MTA2: variants seen among roughly 807,000 people sequenced by gnomAD.
MTA2 encodes the protein metastasis-associated protein MTA2.
MTA2 carries 22 observed loss-of-function variants against 87.1 expected under a neutral mutation model. The observed-to-expected ratio is 0.25, with a 90% CI of 0.18 to 0.36. The LOEUF (loss-of-function observed/expected upper bound fraction) is 0.36, where lower values mean the gene tolerates loss of function less well. MTA2 is among the 10% of genes least tolerant of loss of function. MTA2 has a pLI of 1.00. For synonymous variants in MTA2, 314 were observed against 310.1 expected (o/e 1.01, Z -0.13); for missense variants, 542 against 853.2 (o/e 0.64, Z 4.54).
In MTA2 at chr11:62,596,699, T is replaced by G; in HGVS notation, c.820A>C (p.Met274Leu). 5.6e-6 allele frequency: 9 copies of G among 1,614,104 alleles called. No homozygotes were observed. Among genetic ancestry groups the G allele is most frequent in the African/African-American group, 1.3e-5 (1 of 75,058 alleles). The part of the protein sequence containing the change: ...EMEEWSASEA[M>L]LFEEALEKYG... ...TTCTCTAGGGCCTCCTCAAATAGCA[T>G]GGCCTCTGAGGCTGACCATTCCTCC... is the stretch of plus-strand genomic sequence containing the variant. The change falls in exon 9 of 18, where the codon ATG becomes CTG. Residue 274 changes from methionine (M) to leucine (L), a missense_variant. This residue lies in a region of MTA2 where 33 missense variants were observed against 31.7 expected (regional missense o/e 1.04). Coordinates refer to ENST00000278823, the MANE Select transcript of MTA2 (RefSeq NM_004739.4).
chr11:62,601,639 A>C lies in MTA2; in HGVS notation c.-189T>G. The C allele has an allele frequency of 6.6e-6, 4 of 603,972 alleles. No individual in the cohort carries two copies. Among genetic ancestry groups the C allele is most frequent in the Non-Finnish European group, 8.2e-6 (3 of 364,334 alleles). The allele number at this position is 603,972 out of a possible 1,614,324, so 37.4% of individuals were successfully genotyped here. A position where few individuals can be genotyped will look rare whatever the true frequency, so the allele number is the denominator to read the frequency against. On this transcript the variant is annotated 5_prime_UTR_variant, in exon 1 of 18. Coordinates refer to ENST00000278823, the MANE Select transcript of MTA2 (RefSeq NM_004739.4). ...TCCCGGCCCGCGCTGTCGCCGCCGC[A>C]GCTATCGCCTCACTCCCGGGACGCT...
At position 62,600,362 on chromosome 11, in the gene MTA2, G is replaced by C. The variant is rs544654496; in HGVS notation, c.97-103C>G. ...GACAAATAACAGTAAGTTTCAGAGG[G>C]ACCTAAATTAAAAAGCCCAAGAAAA... is the stretch of plus-strand genomic sequence containing the variant. On this transcript the variant is annotated intron_variant, in intron 2 of 17. Transcript: ENST00000278823. The C allele has an allele frequency of 2.1e-5, 22 of 1,060,942 alleles. 1 individual carries two copies. The South Asian group carries it at 2.9e-4, about 14-fold the overall frequency. 65.7% of individuals were successfully genotyped at this position (1,060,942 alleles called of 1,614,324 possible).
Position 62,597,374 on chromosome 11 carries a change from G to A in MTA2, c.635C>T (p.Ser212Phe). ...CATGTGCAAGCTTGGCTGCCGAATGGAGCTGCTACAATCTAGGGCTCTTGC... is the reference window on the plus strand; with the variant it reads ...CATGTGCAAGCTTGGCTGCCGAATGAAGCTGCTACAATCTAGGGCTCTTGC... Reference protein sequence around the residue: ...TFARALDCSSSIRQPSLHMSA... With the variant: ...TFARALDCSSFIRQPSLHMSA... Residue 212 changes from serine (S) to phenylalanine (F), a missense_variant, in exon 8 of 18, where the codon TCC (serine) becomes TTC (phenylalanine). Physicochemically the swap from Ser to Phe is radical, Grantham distance 155. Coordinates refer to ENST00000278823, the MANE Select transcript of MTA2 (RefSeq NM_004739.4). 6.2e-7 allele frequency: 1 copy of A among 1,612,460 alleles called. No homozygotes were observed. The highest frequency in any genetic ancestry group is 8.5e-7 in the Non-Finnish European group (1 of 1,179,472).
Position 62,594,499 on chromosome 11 carries a change from CCTTT to C in MTA2, c.1692+13_1692+16del, listed in dbSNP as rs754494189. 6.2e-6 allele frequency: 10 copies of C among 1,613,632 alleles called. No homozygotes were observed. The highest frequency in any genetic ancestry group is 1.1e-5 in the South Asian group (1 of 91,048). On this transcript the variant is annotated intron_variant, in intron 16 of 17. Transcript: ENST00000278823. ...CCCACCCAACTCAATCTGGCCCACCCCTTTCTGTCAACTCACAGTCTCATAGGCC... is the reference window on the plus strand; with the variant it reads ...CCCACCCAACTCAATCTGGCCCACCCCTGTCAACTCACAGTCTCATAGGCC...
chr11:62,598,452 A>G (rs1942129174), intron 4 of MTA2, 62 bp from the exon 5 acceptor site: 2 of 1,607,038 alleles, frequency 1.2e-6, no homozygotes, highest in Non-Finnish European at 1.7e-6. Context: ...AGCATCTCTC[A>G]ATACCACCTC....
chr11:62,596,656 T>C lies in MTA2; in HGVS notation c.863A>G (p.Asn288Ser), dbSNP rs138025070. 38 of 1,613,102 alleles carry C rather than the reference T, an allele frequency of 2.4e-5. No homozygotes were observed. The highest frequency in any genetic ancestry group is 2.0e-4 in the African/African-American group (15 of 75,044). Reference sequence around the variant, plus strand: ...ACTTACAAAATCCTGGCGAATATCATTGAAGTCCTTCCCATACTTCTCTAG... The same window carrying C: ...ACTTACAAAATCCTGGCGAATATCACTGAAGTCCTTCCCATACTTCTCTAG... Reference protein sequence around the residue: ...EALEKYGKDFNDIRQDFLPWK... With the variant: ...EALEKYGKDFSDIRQDFLPWK... The change falls in exon 9 of 18, where the codon AAT (asparagine) becomes AGT (serine). Residue 288 changes from asparagine (N) to serine (S), a missense_variant. Around this residue, in one of 6 missense-constraint regions of MTA2, gnomAD observed 33 missense variants for 31.7 expected, o/e 1.04. Transcript: ENST00000278823.
chr11:62,597,560 C>T lies in MTA2; in HGVS notation c.593+50G>A, dbSNP rs750429467. ...TCTCTAAGAACCATGGGACTCAGAA[C>T]AATGTCCACACCTCCCCCAGCCCAT... On this transcript the variant is annotated intron_variant, in intron 7 of 17. Transcript: ENST00000278823. The T allele has an allele frequency of 6.4e-6, 10 of 1,559,442 alleles. No individual in the cohort carries two copies. The Admixed American group carries it at 1.5e-4, about 24-fold the overall frequency.
intron 1 of MTA2, chr11:62,601,097 G>A: frequency 2.0e-6 from 1 of 512,008 alleles, no homozygotes; most frequent in Non-Finnish European, 3.4e-6. Flanking sequence ...TGGCAAAGCC[G>A]TCGCCCCAGC....
chr11:62,593,761 T>C lies in MTA2; in HGVS notation c.*114A>G. ...ACCCCTCCAGGGACACACACTCACT[T>C]GCTCTCTTCCTTAATTCACTCCTCA... On this transcript the variant is annotated 3_prime_UTR_variant, in exon 18 of 18. Coordinates refer to ENST00000278823, the MANE Select transcript of MTA2 (RefSeq NM_004739.4). The C allele has an allele frequency of 7.4e-7, 1 of 1,350,766 alleles. No individual in the cohort carries two copies. Among genetic ancestry groups the C allele is most frequent in the Non-Finnish European group, 1.0e-6 (1 of 982,638 alleles). 83.7% of individuals were successfully genotyped at this position (1,350,766 alleles called of 1,614,324 possible).
chr11:62,597,429 T>C lies in MTA2; in HGVS notation c.594-14A>G, dbSNP rs1157320502. On this transcript the variant is annotated splice_polypyrimidine_tract_variant and intron_variant, in intron 7 of 17. Transcript: ENST00000278823. The stretch of plus-strand genomic sequence containing the variant: ...GTTCCCACAGCTCTAAGGGAGAAAT[T>C]GAGAAGTCAAAAGCGAAAGAAAAGT... 20 of 1,603,818 alleles carry C rather than the reference T, an allele frequency of 1.2e-5. No homozygotes were observed. The highest frequency in any genetic ancestry group is 1.7e-5 in the Non-Finnish European group (20 of 1,175,832).
intron 15 of MTA2, 86 bp downstream of exon 15, chr11:62,594,895 G>A (rs970566703): frequency 1.2e-5 from 15 of 1,239,518 alleles, no homozygotes; most frequent in South Asian, 1.0e-4. Flanking sequence ...AGGACACTAT[G>A]AGGAAGAAAA....
chr11:62,594,144 G>A, intron 17 of MTA2, 104 bp from the exon 18 acceptor site: 6 of 1,555,218 alleles, frequency 3.9e-6, no homozygotes, highest in Non-Finnish European at 5.2e-6. Context: ...ATTCTTTTCT[G>A]GCATCCCCAC....
chr11:62,595,584 G>A lies in MTA2; in HGVS notation c.1255-92C>T, dbSNP rs575389584. ...TCCCTGCAGGGGACAATTTATTCCT[G>A]TCTAATCTCTTTACTGACCTCTTGG... is the stretch of plus-strand genomic sequence containing the variant. On this transcript the variant is annotated intron_variant, in intron 13 of 17. Coordinates refer to ENST00000278823, the MANE Select transcript of MTA2 (RefSeq NM_004739.4). The surrounding 1 kb of genome is among the most constrained non-coding windows in gnomAD (Gnocchi z 4.9). 114 of 1,530,050 alleles carry A rather than the reference G, an allele frequency of 7.5e-5. No individual in the cohort carries two copies. In the East Asian group the frequency reaches 2.3e-3, roughly 31 times the overall value. 94.8% of individuals were successfully genotyped at this position (1,530,050 alleles called of 1,614,324 possible).
chr11:62,597,217 C>A, intron 8 of MTA2, 99 bp downstream of exon 8: 3 of 737,082 alleles, frequency 4.1e-6, no homozygotes, highest in Non-Finnish European at 2.2e-6. Context: ...AAAAAAAAAA[C>A]ACTCCCACTC....
Position 62,596,491 on chromosome 11 carries a change from G to A in MTA2, c.924C>T (p.Tyr308=). 1.2e-6 allele frequency: 2 copies of A among 1,614,142 alleles called. No homozygotes were observed. Among genetic ancestry groups the A allele is most frequent in the Non-Finnish European group, 1.7e-6 (2 of 1,180,020 alleles). Residue 308 remains tyrosine (Y), a synonymous_variant, in exon 10 of 18, where the codon TAC becomes TAT. Coordinates refer to ENST00000278823, the MANE Select transcript of MTA2 (RefSeq NM_004739.4). Reference sequence around the variant, plus strand: ...TATACCGGTCTGTGGTTTTCCACATGTAATAAAACTGGACTATGCTGGCAA... The same window carrying A: ...TATACCGGTCTGTGGTTTTCCACATATAATAAAACTGGACTATGCTGGCAA... ...KSLASIVQFY[Y]MWKTTDRYIQ...
rs1427617610 is a variant in MTA2, at chr11:62,597,636, C to G, written c.567G>C (p.Gln189His). The G allele has an allele frequency of 6.2e-7, 1 of 1,614,186 alleles. No individual in the cohort carries two copies. Among genetic ancestry groups the G allele is most frequent in the Non-Finnish European group, 8.5e-7 (1 of 1,180,026 alleles). The change falls in exon 7 of 18, where the codon CAG becomes CAC. Residue 189 changes from glutamine to histidine, a missense_variant. Physicochemically the swap from Gln to His is conservative, Grantham distance 24. Around this residue, in one of 6 missense-constraint regions of MTA2, gnomAD observed 150 missense variants for 243.9 expected, o/e 0.62. Transcript: ENST00000278823. ...WDPDNPLTDR[Q>H]IDQFLVVARA... ...GGGCCACCACAAGAAACTGGTCGAT[C>G]TGCCGGTCTGTGAGAGGGTTGTCTG...
chr11:62,594,569 G>A lies in MTA2; in HGVS notation c.1639C>T (p.Leu547=), dbSNP rs1431381794. The change falls in exon 16 of 18, where the codon CTG becomes TTG. Residue 547 remains leucine, a synonymous_variant. Transcript: ENST00000278823. ...CCCCCCAGTCCCCGGTTCTGGGACA[G>A]CTGGTTTCTGTTGATCGGTGTCTTG... ...GTKTPINRNQ[L]SQNRGLGGIM... 3 of 1,614,132 alleles carry A rather than the reference G, an allele frequency of 1.9e-6. No homozygotes were observed. Among genetic ancestry groups the A allele is most frequent in the Non-Finnish European group, 2.5e-6 (3 of 1,180,034 alleles).
In MTA2 at chr11:62,593,833, C is replaced by A; in HGVS notation, c.*42G>T. Reference sequence around the variant, plus strand: ...AGGGAGGTTTGGGTGCCCTGGGCATCCACCCTCTACCTCTCAGCCCACCTC... The same window carrying A: ...AGGGAGGTTTGGGTGCCCTGGGCATACACCCTCTACCTCTCAGCCCACCTC... On this transcript the variant is annotated 3_prime_UTR_variant, in exon 18 of 18. Coordinates refer to ENST00000278823, the MANE Select transcript of MTA2 (RefSeq NM_004739.4). The A allele has an allele frequency of 6.2e-7, 1 of 1,611,076 alleles. No individual in the cohort carries two copies.
chr11:62,601,044 A>G, intron 1 of MTA2: 1 of 489,824 alleles, frequency 2.0e-6, no homozygotes, highest in Non-Finnish European at 3.6e-6. Flanking sequence ...GAGGCGCACA[A>G]TAACGCCTGG....
Sources: allele counts gnomAD v4.1 joint callset, GRCh38; gene constraint gnomAD v4.1.1; regional missense constraint gnomAD v4.1.1; non-coding constraint Gnocchi (gnomAD v3.1); transcripts MANE v1.5; gene names NCBI Gene and HGNC (gene_info 2026-07-23, HGNC 2026-07-21).